The following DNAJC10 variants were observed in gnomAD, a reference collection of about 807,000 sequenced individuals.
DNAJC10 encodes endoplasmic reticulum disulfide reductase DNAJC10.
DNAJC10 carries 101 observed loss-of-function variants against 115.0 expected under a neutral mutation model. That is an observed-to-expected ratio of 0.88 (90% confidence interval 0.75 to 1.04). The LOEUF is 1.04. Among genes scored for constraint, DNAJC10 ranks in the 50% least tolerant of loss-of-function variants. The pLI is 0.00. For missense variants in DNAJC10, 981 were observed against 928.8 expected, an observed-to-expected ratio of 1.06 and a Z score of -0.73; for synonymous variants, 307 against 301.5, an observed-to-expected ratio of 1.02 and a Z score of -0.19.
intron 11 of DNAJC10, among the ~76,000 whole-genome samples, chr2:182,737,222 C>T (rs1693607320): frequency 6.6e-6 from 1 of 152,092 alleles, no homozygotes; most frequent in South Asian, 2.1e-4. Flanking sequence ...ATCTAGTTGT[C>T]AAGGAGCTAA....
intron 20 of DNAJC10, 113 bp downstream of exon 20, chr2:182,759,003 T>A: frequency 9.3e-7 from 1 of 1,073,796 alleles, no homozygotes; most frequent in Non-Finnish European, 1.4e-6. Flanking sequence ...TTTAAATTAC[T>A]TAGTAAAGTA....
At chr2:182,756,250 G>T in intron 17 of DNAJC10, 64 bp from the exon 18 acceptor site, 2 of 1,330,894 alleles carry the variant, frequency 1.5e-6, no homozygotes, top group Non-Finnish European at 2.0e-6. Flanking sequence ...CCAACAATTT[G>T]CCAGGAATAT....
intron 13 of DNAJC10, among the ~76,000 whole-genome samples, chr2:182,743,194 TC>T (rs1302751091): frequency 6.6e-6 from 1 of 152,192 alleles, no homozygotes; most frequent in East Asian, 1.9e-4. Flanking sequence ...ACAGATTTGT[TC>T]CTGGTTTATA....
intron 7 of DNAJC10, 133 bp downstream of exon 7, chr2:182,729,127 C>A: frequency 1.1e-6 from 1 of 879,256 alleles, no homozygotes; most frequent in Non-Finnish European, 1.7e-6. Flanking sequence ...CACTAGTCTT[C>A]TGTAATAATA....
chr2:182,789,006 C>T lies in DNAJC10; in HGVS notation c.*11874C>T, dbSNP rs1316280197. On this transcript the variant is annotated 3_prime_UTR_variant, in exon 24 of 24. Transcript: ENST00000264065. ...AATTTCACATTGTTCAACCCATCTC[C>T]GTGACTTTATCTTGCAAAACTGAAA... 1.1e-5 allele frequency: 3 copies of T among 261,342 alleles called. No individual in the cohort carries two copies. The highest frequency in any genetic ancestry group is 2.3e-5 in the Non-Finnish European group (3 of 133,288). The allele number at this position is 261,342 out of a possible 1,614,324, so 16.2% of individuals were successfully genotyped here.
intron 13 of DNAJC10, 31 bp from the exon 14 acceptor site, chr2:182,743,567 T>TTTTATCAAATTTGTTTTATCAAA: frequency 6.8e-7 from 1 of 1,479,790 alleles, no homozygotes; most frequent in East Asian, 2.3e-5. Flanking sequence ...AAGACAGTGT[T>TTTTATCAAATTTGTTTTATCAAA]TTTATCAAAT....
At chr2:182,754,940 A>T (rs1425961814) in intron 16 of DNAJC10, 63 bp from the exon 17 acceptor site, 1 of 1,364,230 alleles carries the variant, frequency 7.3e-7, no homozygotes, top group Non-Finnish European at 1.0e-6. Context: ...CAAACTTGTT[A>T]TAAATTTGTA....
intron 13 of DNAJC10, among the ~76,000 whole-genome samples, chr2:182,742,446 T>A (rs1693759775): frequency 6.6e-6 from 1 of 152,182 alleles, no homozygotes; most frequent in African/African-American, 2.4e-5. Flanking sequence ...CACCTCAGCC[T>A]CCCAAAGTGC....
intron 5 of DNAJC10, among the ~76,000 whole-genome samples, chr2:182,725,850 C>T (rs146968682): frequency 1.3e-5 from 2 of 152,308 alleles, no homozygotes; most frequent in Non-Finnish European, 1.5e-5. Context: ...AGACAGCCTT[C>T]CATTGGAAGA....
intron 5 of DNAJC10, among the ~76,000 whole-genome samples, chr2:182,724,206 C>T (rs1693225481): frequency 6.6e-6 from 1 of 152,114 alleles, no homozygotes; most frequent in Admixed American, 6.5e-5. Context: ...TGGAAAATCA[C>T]TTTATTTGAA....
chr2:182,723,583 A>G (rs1424931430), intron 5 of DNAJC10, among the ~76,000 whole-genome samples: 4 of 152,226 alleles, frequency 2.6e-5, no homozygotes, highest in Non-Finnish European at 2.9e-5. Flanking sequence ...CGTGTGAGTT[A>G]TATAAACCTA....
chr2:182,746,269 G>A (rs1693863594), intron 14 of DNAJC10, among the ~76,000 whole-genome samples: 1 of 152,144 alleles, frequency 6.6e-6, no homozygotes, highest in African/African-American at 2.4e-5. Context: ...GGATGGCTGG[G>A]TCAAATGGTA....
intron 16 of DNAJC10, chr2:182,752,713 C>A (rs1484485594): frequency 3.0e-4 from 49 of 164,352 alleles, no homozygotes; most frequent in Middle Eastern, 3.2e-3. Context: ...ATACTTTGGG[C>A]AAAAAAAAAA....
chr2:182,731,238 TTTAC>T, intron 9 of DNAJC10, 131 bp downstream of exon 9: 1 of 599,278 alleles, frequency 1.7e-6, no homozygotes, highest in Middle Eastern at 3.9e-4. Context: ...TTACAATTTT[TTTAC>T]TTAATGAATA....
chr2:182,730,226 G>A (rs1314732446), intron 8 of DNAJC10, among the ~76,000 whole-genome samples: 1 of 152,150 alleles, frequency 6.6e-6, no homozygotes, highest in Non-Finnish European at 1.5e-5. Flanking sequence ...TGTAATACAA[G>A]TGTTTTATTG....
rs1693581356 is a variant in DNAJC10 at position 182,736,230 on chromosome 2, T to C, written c.850-19T>C. 5 of 1,550,246 alleles carry C rather than the reference T, an allele frequency of 3.2e-6. No homozygotes were observed. In the African/African-American group the frequency reaches 7.1e-5, roughly 22 times the overall value. On this transcript the variant is annotated intron_variant, in intron 10 of 23. Coordinates refer to ENST00000264065, the MANE Select transcript of DNAJC10 (RefSeq NM_018981.4). Reference sequence around the variant, plus strand: ...TGCCTCCCATTTACAACATGGTTTGTTGTTTCTTTCCATTTTAGGATGGTC... The same window carrying C: ...TGCCTCCCATTTACAACATGGTTTGCTGTTTCTTTCCATTTTAGGATGGTC...
intron 7 of DNAJC10, 96 bp downstream of exon 7, chr2:182,729,090 T>G (rs990018258): frequency 7.8e-7 from 1 of 1,289,678 alleles, no homozygotes; most frequent in Non-Finnish European, 1.1e-6. Flanking sequence ...CAGAACATTT[T>G]AAGTCTTGTT....
chr2:182,716,949 T>G (rs1693009482), intron 1 of DNAJC10, 67 bp from the exon 2 acceptor site: 1 of 152,244 alleles, frequency 6.6e-6, no homozygotes, highest in African/African-American at 2.4e-5. Flanking sequence ...CTATGCCCTC[T>G]CTTTTTCTGA....
chr2:182,783,753 T>G lies in DNAJC10; in HGVS notation c.*6621T>G, dbSNP rs1243509427. On this transcript the variant is annotated 3_prime_UTR_variant, in exon 24 of 24. Coordinates refer to ENST00000264065, the MANE Select transcript of DNAJC10 (RefSeq NM_018981.4). ...ATTTTTCAGACTTGGAACAGCAGTA[T>G]CTCATGTTTTACTATAAAAACTTGG... is the stretch of plus-strand genomic sequence containing the variant. 3 of 152,276 alleles carry G rather than the reference T, an allele frequency of 2.0e-5. No individual in the cohort carries two copies. Among genetic ancestry groups the G allele is most frequent in the African/African-American group, 7.2e-5 (3 of 41,570 alleles). The allele number at this position is 152,276 out of a possible 1,614,324, so 9.4% of individuals were successfully genotyped here.
Sources: allele counts gnomAD v4.1 joint callset (sites outside exome capture counted in the v4.1 genomes callset), GRCh38; gene constraint gnomAD v4.1.1; transcripts MANE v1.5; gene names NCBI Gene and HGNC (gene_info 2026-07-23, HGNC 2026-07-21).